Variants in CCDC7 observed in about 807,000 individuals in gnomAD.
The protein encoded by CCDC7 is coiled-coil domain-containing protein 7.
Under a neutral mutation model 196.9 loss-of-function variants are expected in CCDC7, and 183 were observed. That is an observed-to-expected ratio of 0.93 (90% confidence interval 0.82 to 1.05). The LOEUF (loss-of-function observed/expected upper bound fraction) is 1.05, where lower values mean the gene tolerates loss of function less well. CCDC7 is among the 50% of genes least tolerant of loss of function. The pLI, the probability that CCDC7 is intolerant of heterozygous loss-of-function variation, is 0.00. For missense variants in CCDC7, 1,540 were observed against 1,482.2 expected (o/e 1.04, Z -0.64); for synonymous variants, 525 against 484.6 (o/e 1.08, Z -1.10).
At chr10:32,694,733 G>C (rs911500831) in intron 23 of CCDC7, 146 bp from the exon 25 acceptor site, 54 of 489,498 alleles carry the variant, frequency 1.1e-4, no homozygotes, top group Non-Finnish European at 2.0e-4. Context: ...TCTTATAGTA[G>C]TCATGTCACA....
At chr10:32,597,521 G>A (rs1389227939) in intron 18 of CCDC7, among the ~76,000 whole-genome samples, 5 of 152,076 alleles carry the variant, frequency 3.3e-5, no homozygotes, top group African/African-American at 1.2e-4. Context: ...GTCTTGTCTC[G>A]ACTCATCAAA....
At chr10:32,505,895 C>T (rs1219011093) in intron 9 of CCDC7, among the ~76,000 whole-genome samples, 19 of 148,368 alleles carry the variant, frequency 1.3e-4, no homozygotes, top group African/African-American at 4.3e-4. Flanking sequence ...CAGTCAGAGG[C>T]GCTCCTTGCC....
intron 20 of CCDC7, among the ~76,000 whole-genome samples, chr10:32,642,531 C>T (rs2067017627): frequency 6.6e-6 from 1 of 152,082 alleles, no homozygotes; most frequent in African/African-American, 2.4e-5. Flanking sequence ...ACCCAATTTT[C>T]CAGGTGCCAC....
chr10:32,793,052 T>C (rs1430534772), intron 29 of CCDC7, among the ~76,000 whole-genome samples: 1 of 152,212 alleles, frequency 6.6e-6, no homozygotes, highest in Admixed American at 6.5e-5. Flanking sequence ...ATTGGCTGAG[T>C]AGATTTTTAA....
chr10:32,763,253 A>C (rs1468294360), intron 28 of CCDC7, among the ~76,000 whole-genome samples: 1 of 151,992 alleles, frequency 6.6e-6, no homozygotes, highest in Non-Finnish European at 1.5e-5. Flanking sequence ...GTCAACAGGC[A>C]TATGAAAAGA....
chr10:32,636,823 T>G (rs568804081), intron 20 of CCDC7, among the ~76,000 whole-genome samples: 144 of 152,330 alleles, frequency 9.5e-4, no homozygotes, highest in Middle Eastern at 3.4e-3. Context: ...CACAATGGTT[T>G]AACTAGTTTA....
At chr10:32,763,698 A>G (rs536628593) in intron 28 of CCDC7, among the ~76,000 whole-genome samples, 2 of 151,978 alleles carry the variant, frequency 1.3e-5, no homozygotes, top group South Asian at 2.1e-4. Context: ...CCTGGAAGAC[A>G]TGCTAAGTGA....
chr10:32,544,172 A>T (rs980064694), intron 12 of CCDC7, 75 bp from the exon 14 acceptor site: 3 of 1,245,492 alleles, frequency 2.4e-6, no homozygotes, highest in South Asian at 1.6e-5. Context: ...TCGTTTAAAA[A>T]GTCCTCCTCA....
intron 28 of CCDC7, among the ~76,000 whole-genome samples, chr10:32,762,643 A>T (rs1428956880): frequency 6.6e-6 from 1 of 151,732 alleles, no homozygotes; most frequent in African/African-American, 2.4e-5. Context: ...AAAAACAACT[A>T]TGGTACTGGT....
At chr10:32,586,143 CAT>C (rs1259949038) in intron 18 of CCDC7, among the ~76,000 whole-genome samples, 2 of 152,144 alleles carry the variant, frequency 1.3e-5, no homozygotes, top group Non-Finnish European at 2.9e-5. Flanking sequence ...GAGCTTTTTT[CAT>C]ATGTTTGTTG....
chr10:32,656,593 A>T (rs1167767183), intron 20 of CCDC7, among the ~76,000 whole-genome samples: 1 of 152,156 alleles, frequency 6.6e-6, no homozygotes, highest in East Asian at 1.9e-4. Flanking sequence ...TGAGAATAGC[A>T]TGGGGGTAAC....
intron 24 of CCDC7, among the ~76,000 whole-genome samples, chr10:32,696,469 G>A (rs928917738): frequency 6.7e-6 from 1 of 150,130 alleles, no homozygotes; most frequent in South Asian, 2.1e-4. Flanking sequence ...CCATGTCATA[G>A]TCTTGTTTTC....
In CCDC7 at chr10:32,511,262, G is replaced by GGGGC. The variant is rs1554812901; in HGVS notation, c.873-6680_873-6679insCGGG. The GGGGC allele has an allele frequency of 1.3e-4, 63 of 480,092 alleles. 8 individuals carry two copies. The Middle Eastern group carries it at 1.6e-3, about 12-fold the overall frequency. The allele number at this position is 480,092 out of a possible 1,614,324, so 29.7% of individuals were successfully genotyped here. On this transcript the variant is annotated intron_variant, in intron 9 of 41. Coordinates refer to ENST00000639629, the Ensembl canonical transcript of CCDC7. The stretch of plus-strand genomic sequence containing the variant: ...GCCACAGAATTATTCTGTGGGGGGC[G>GGGGC]GGGGGGGCGGGGAAATGTACTTTTT...
intron 28 of CCDC7, among the ~76,000 whole-genome samples, chr10:32,774,043 G>C (rs922289844): frequency 2.9e-4 from 44 of 152,218 alleles, no homozygotes; most frequent in Non-Finnish European, 4.9e-4. Context: ...AATATAAATA[G>C]TTTTTATTTT....
chr10:32,450,270 T>C (rs1324231436), upstream of CCDC7, among the ~76,000 whole-genome samples: 1 of 152,234 alleles, frequency 6.6e-6, no homozygotes, highest in Non-Finnish European at 1.5e-5. Flanking sequence ...ATCACTTTAA[T>C]TTCTGCCTGT....
At chr10:32,760,843 G>T (rs545013379) in intron 28 of CCDC7, among the ~76,000 whole-genome samples, 7 of 151,908 alleles carry the variant, frequency 4.6e-5, no homozygotes, top group African/African-American at 1.7e-4. Context: ...ACCCCACCCT[G>T]CACACACAAG....
At chr10:32,646,266 A>G (rs1172591805) in intron 20 of CCDC7, among the ~76,000 whole-genome samples, 1 of 149,892 alleles carries the variant, frequency 6.7e-6, no homozygotes, top group Non-Finnish European at 1.5e-5. Context: ...AAATTAAAAA[A>G]CTTTCTTTTC....
intron 21 of CCDC7, among the ~76,000 whole-genome samples, chr10:32,666,945 T>G (rs143953930): frequency 6.6e-6 from 1 of 152,104 alleles, no homozygotes. Flanking sequence ...CTTGAAGAAT[T>G]GCCACACTGC....
chr10:32,605,755 G>T (rs2061500413), intron 18 of CCDC7, among the ~76,000 whole-genome samples: 1 of 152,100 alleles, frequency 6.6e-6, no homozygotes, highest in African/African-American at 2.4e-5. Context: ...TCAGATACAG[G>T]AGCAAAGAAA....
Sources: gnomAD v4.1 joint callset for allele counts (sites outside exome capture counted in the v4.1 genomes callset) on GRCh38, gnomAD v4.1.1 for gene constraint, MANE v1.5 for transcripts, NCBI Gene and HGNC (gene_info 2026-07-23, HGNC 2026-07-21) for gene names.